Variants in GPR160 observed in about 807,000 individuals in gnomAD.
The protein encoded by GPR160 is G protein-coupled receptor 160.
A neutral mutation model predicts 2.6 loss-of-function variants in GPR160; 2 were observed. The observed-to-expected ratio is 0.77, with a 90% CI of 0.32 to 2.44. The LOEUF is 2.44. Ranked by LOEUF, GPR160 falls within the 30% of genes most tolerant of loss-of-function variation. GPR160 has a pLI of 0.11. For missense variants in GPR160, 351 were observed against 383.6 expected, an observed-to-expected ratio of 0.91 and a Z score of 0.71; for synonymous variants, 130 against 132.2, an observed-to-expected ratio of 0.98 and a Z score of 0.12.
At chr3:170,045,444 A>AAAAAAAAAAC (rs1559981285) in intron 2 of GPR160, among the ~76,000 whole-genome samples, 6 of 128,024 alleles carry the variant, frequency 4.7e-5, no homozygotes, top group Middle Eastern at 3.9e-3. Flanking sequence ...AAAAAAAAAA[A>AAAAAAAAAAC]AAACCAATTA....
At chr3:170,083,455 C>T (rs998032098) in intron 3 of GPR160, 2 of 152,194 alleles carry the variant, frequency 1.3e-5, no homozygotes, top group South Asian at 2.1e-4. Flanking sequence ...TAAGGGGCCC[C>T]ATAAGCATCG....
chr3:170,073,750 G>A (rs1183253098), intron 2 of GPR160, among the ~76,000 whole-genome samples: 4 of 152,126 alleles, frequency 2.6e-5, no homozygotes, highest in Admixed American at 2.0e-4. Flanking sequence ...CTTGTGAAAT[G>A]AGTTGGGAGG....
chr3:170,084,300 T>C lies in GPR160; in HGVS notation c.328T>C (p.Tyr110His). Reference sequence around the variant, plus strand: ...TTCCTTTACTTATGGCTTTTTGCATTATCCAGTTTTCCTGACAGCTTGTAT... The same window carrying C: ...TTCCTTTACTTATGGCTTTTTGCATCATCCAGTTTTCCTGACAGCTTGTAT... ...IISFTYGFLH[Y>H]PVFLTACIDY... Residue 110 changes from tyrosine (Y) to histidine (H), a missense_variant, in exon 4 of 4, where the codon TAT becomes CAT. Physicochemically the swap from Tyr to His is moderately conservative, Grantham distance 83 (BLOSUM62 2). Coordinates refer to ENST00000355897, the MANE Select transcript of GPR160 (RefSeq NM_014373.3). 2 of 1,608,618 alleles carry C rather than the reference T, an allele frequency of 1.2e-6. No homozygotes were observed. The highest frequency in any genetic ancestry group is 1.7e-6 in the Non-Finnish European group (2 of 1,176,046).
chr3:170,043,347 A>G (rs569258314), intron 2 of GPR160, among the ~76,000 whole-genome samples: 3 of 151,622 alleles, frequency 2.0e-5, no homozygotes, highest in Non-Finnish European at 2.9e-5. Flanking sequence ...ATGCCTGGCT[A>G]ATTTTTGTAT....
chr3:170,055,327 G>T (rs1471660090), intron 2 of GPR160, among the ~76,000 whole-genome samples: 2 of 152,102 alleles, frequency 1.3e-5, no homozygotes, highest in Admixed American at 1.3e-4. Flanking sequence ...GGTGAAAAAA[G>T]GATCTCCCTT....
chr3:170,061,345 G>T (rs1021478628), intron 2 of GPR160, among the ~76,000 whole-genome samples: 7 of 150,234 alleles, frequency 4.7e-5, no homozygotes, highest in Middle Eastern at 3.3e-3. Context: ...AGACTAACAA[G>T]ACATGACAAA....
intron 2 of GPR160, among the ~76,000 whole-genome samples, chr3:170,051,555 C>T (rs1351945935): frequency 3.3e-5 from 5 of 151,954 alleles, no homozygotes; most frequent in Non-Finnish European, 4.4e-5. Flanking sequence ...CGAAACCCCG[C>T]CTCTACTAAA....
intron 2 of GPR160, among the ~76,000 whole-genome samples, chr3:170,046,288 G>A (rs9859450): frequency 0.069 from 10,550 of 152,228 alleles, 1,217 homozygotes; most frequent in African/African-American, 0.24. Context: ...CACAACTTGT[G>A]ACTTTGAGCC....
intron 2 of GPR160, among the ~76,000 whole-genome samples, chr3:170,066,748 A>AATTT (rs1287270693): frequency 6.6e-6 from 1 of 152,182 alleles, no homozygotes; most frequent in African/African-American, 2.4e-5. Context: ...CATGCAAGTA[A>AATTT]ATTTATAGGA....
chr3:170,042,683 A>G (rs937355761), intron 2 of GPR160, among the ~76,000 whole-genome samples: 1 of 148,302 alleles, frequency 6.7e-6, no homozygotes, highest in East Asian at 1.9e-4. Flanking sequence ...AAAAATAAAT[A>G]AATAATAATA....
chr3:170,071,676 G>A (rs1712602345), intron 2 of GPR160, among the ~76,000 whole-genome samples: 1 of 152,054 alleles, frequency 6.6e-6, no homozygotes, highest in Admixed American at 6.5e-5. Context: ...CATGCCTGTA[G>A]TCCCAGCTAC....
At chr3:170,041,167 A>G (rs79442465) in intron 2 of GPR160, among the ~76,000 whole-genome samples, 2,950 of 152,294 alleles carry the variant, frequency 0.019, 118 homozygotes, top group African/African-American at 0.067. Flanking sequence ...AACTGAATGT[A>G]ATGCCTTTTG....
At position 170,063,552 on chromosome 3, in the gene GPR160, C is replaced by CAAA. The variant is rs528295183; in HGVS notation, c.-192-16202_-192-16200dup. On this transcript the variant is annotated intron_variant, in intron 2 of 3. Coordinates refer to ENST00000355897, the MANE Select transcript of GPR160 (RefSeq NM_014373.3). ...ATGTCTCAAAAACAAACAAAAAAAG[C>CAAA]AAAAAAAAAAAAAAAAAAAAAACCT... Among the ~76,000 whole-genome samples, 516 of 78,856 alleles carry CAAA rather than the reference C, an allele frequency of 6.5e-3. 15 individuals carry two copies. The highest frequency in any genetic ancestry group is 0.02 in the African/African-American group (335 of 16,554). 51.7% of individuals were successfully genotyped at this position (78,856 alleles called of 152,430 possible).
intron 2 of GPR160, among the ~76,000 whole-genome samples, chr3:170,045,620 A>G (rs1011862552): frequency 6.6e-6 from 1 of 151,706 alleles, no homozygotes; most frequent in African/African-American, 2.4e-5. Context: ...AAAGAAAGAA[A>G]AAAAAAGAAG....
intron 2 of GPR160, among the ~76,000 whole-genome samples, chr3:170,048,018 A>G (rs971974726): frequency 6.6e-6 from 1 of 152,054 alleles, no homozygotes; most frequent in Non-Finnish European, 1.5e-5. Context: ...TTGTAGCGAC[A>G]GGGTTTCACC....
At chr3:170,042,674 AAAAT>A (rs907200239) in intron 2 of GPR160, among the ~76,000 whole-genome samples, 1 of 146,388 alleles carries the variant, frequency 6.8e-6, no homozygotes, top group Non-Finnish European at 1.5e-5. Context: ...ACAAAAAAAA[AAAAT>A]AAATAAATAA....
At chr3:170,051,435 T>G (rs60677896) in intron 2 of GPR160, among the ~76,000 whole-genome samples, 4,282 of 152,248 alleles carry the variant, frequency 0.028, 197 homozygotes, top group African/African-American at 0.098. Flanking sequence ...ATCAAATATA[T>G]GGTTTGGGGC....
chr3:170,078,670 G>C (rs1200172854), intron 2 of GPR160, among the ~76,000 whole-genome samples: 1 of 152,188 alleles, frequency 6.6e-6, no homozygotes, highest in African/African-American at 2.4e-5. Flanking sequence ...TTAGAGGCAA[G>C]TCAATACCTC....
chr3:170,042,938 A>G (rs797008974), intron 2 of GPR160, among the ~76,000 whole-genome samples: 1 of 147,718 alleles, frequency 6.8e-6, no homozygotes, highest in Non-Finnish European at 1.5e-5. Context: ...CTGGAGTGCA[A>G]TGGTGCAATC....
Sources: allele counts gnomAD v4.1 joint callset (sites outside exome capture counted in the v4.1 genomes callset), GRCh38; gene constraint gnomAD v4.1.1; transcripts MANE v1.5; gene names NCBI Gene and HGNC (gene_info 2026-07-23, HGNC 2026-07-21).